Variants in COL10A1 observed in about 807,000 individuals in gnomAD.
COL10A1 encodes collagen type X alpha 1 chain, also known as collagen alpha-1(X) chain.
A neutral mutation model predicts 18.2 loss-of-function variants in COL10A1; 10 were observed. That is an observed-to-expected ratio of 0.55 (90% CI 0.34 to 0.93). COL10A1 has a LOEUF of 0.93. COL10A1 is among the 40% of genes least tolerant of loss of function. COL10A1 has a pLI of 0.02. For missense variants in COL10A1, 897 were observed against 853.5 expected, an observed-to-expected ratio of 1.05 and a Z score of -0.64; for synonymous variants, 330 against 316.6, an observed-to-expected ratio of 1.04 and a Z score of -0.45.
the COL10A1 span, among the ~76,000 whole-genome samples, chr6:116,187,734 T>C: frequency 6.6e-6 from 1 of 151,942 alleles, no homozygotes; most frequent in Non-Finnish European, 1.5e-5. Flanking sequence ...GAAACAAATA[T>C]GAAAGGCAAA....
Position 116,121,338 on chromosome 6 carries a change from G to A in COL10A1, c.778C>T (p.Pro260Ser), listed in dbSNP as rs1360718814. The A allele has an allele frequency of 6.2e-7, 1 of 1,614,026 alleles. No individual in the cohort carries two copies. Among genetic ancestry groups the A allele is most frequent in the African/African-American group, 1.3e-5 (1 of 75,004 alleles). Residue 260 changes from proline to serine, a missense_variant, in exon 3 of 3, where the codon CCA becomes TCA. Physicochemically the swap from Pro to Ser is moderately conservative, Grantham distance 74 (BLOSUM62 -1). Transcript: ENST00000651968. ...GPQGPPGERG[P>S]EGIGKPGAAG... The stretch of plus-strand genomic sequence containing the variant: ...GCTCCTGGCTTTCCAATGCCTTCTG[G>A]CCCTCGTTCCCCAGGAGGGCCTTGG...
chr6:116,148,556 A>T (rs906062186), intron 1 of COL10A1, among the ~76,000 whole-genome samples: 1 of 152,188 alleles, frequency 6.6e-6, no homozygotes, highest in Non-Finnish European at 1.5e-5. Context: ...TCAGAATGTG[A>T]ACATGTTAAT....
the COL10A1 span, among the ~76,000 whole-genome samples, chr6:116,209,561 G>A: frequency 6.6e-6 from 1 of 152,002 alleles, no homozygotes; most frequent in Non-Finnish European, 1.5e-5. Context: ...TGCAGAGTGG[G>A]TATTGGGGAG....
At chr6:116,195,594 C>T in the COL10A1 span, among the ~76,000 whole-genome samples, 1 of 151,980 alleles carries the variant, frequency 6.6e-6, no homozygotes, top group East Asian at 1.9e-4. Flanking sequence ...CATTTATCTG[C>T]TCCCTCCCTC....
the COL10A1 span, among the ~76,000 whole-genome samples, chr6:116,210,544 G>A: frequency 2.0e-5 from 3 of 151,882 alleles, no homozygotes; most frequent in East Asian, 2.0e-4. Flanking sequence ...TCTGTATCTC[G>A]GATTTTCAGT....
rs58270869 is a variant in COL10A1, at chr6:116,155,752, TAA to T, written c.-16+2860_-16+2861del. On this transcript the variant is annotated intron_variant, in intron 1 of 1. Transcript: ENST00000418500. ...CACAAAGAAATAATGTACTTCTCCT[TAA>T]AAAAAAAAAAAAAAAAAAGAGGGAG... is the stretch of plus-strand genomic sequence containing the variant. Among the ~76,000 whole-genome samples, 699 of 114,538 alleles carry T rather than the reference TAA, an allele frequency of 6.1e-3. 11 individuals carry two copies. Among genetic ancestry groups the T allele is most frequent in the South Asian group, 0.047 (174 of 3,664 alleles). The allele number at this position is 114,538 out of a possible 152,430, so 75.1% of individuals were successfully genotyped here.
intron 1 of COL10A1, among the ~76,000 whole-genome samples, chr6:116,139,790 T>C (rs1449826990): frequency 1.3e-5 from 2 of 152,160 alleles, no homozygotes; most frequent in African/African-American, 4.8e-5. Context: ...ATATTAATAT[T>C]AAGACATCTT....
the COL10A1 span, among the ~76,000 whole-genome samples, chr6:116,202,328 T>C: frequency 6.6e-6 from 1 of 152,092 alleles, no homozygotes; most frequent in East Asian, 1.9e-4. Flanking sequence ...CAGAACAAAG[T>C]TCCTTCTCAA....
chr6:116,183,699 C>T, the COL10A1 span, among the ~76,000 whole-genome samples: 1 of 151,590 alleles, frequency 6.6e-6, no homozygotes, highest in East Asian at 1.9e-4. Context: ...TTGTTCTCAG[C>T]TTGGTCACTG....
At chr6:116,141,273 T>G (rs1055503314) in intron 1 of COL10A1, among the ~76,000 whole-genome samples, 2 of 152,220 alleles carry the variant, frequency 1.3e-5, no homozygotes, top group African/African-American at 4.8e-5. Flanking sequence ...ATTTTTTTTT[T>G]TTGGTGGTGG....
upstream of COL10A1, among the ~76,000 whole-genome samples, chr6:116,126,526 G>C (rs577857955): frequency 6.6e-6 from 1 of 151,978 alleles, no homozygotes; most frequent in Non-Finnish European, 1.5e-5. Flanking sequence ...CTTGAAGGGG[G>C]TACTGGATTT....
intron 1 of COL10A1, among the ~76,000 whole-genome samples, chr6:116,148,372 T>C (rs929554332): frequency 4.6e-5 from 7 of 152,230 alleles, no homozygotes; most frequent in African/African-American, 1.7e-4. Context: ...GCATTTGTTT[T>C]CATTGCAATT....
chr6:116,135,385 AT>A lies in COL10A1; in HGVS notation c.-15-9879del, dbSNP rs553085561. 5.6e-4 allele frequency among the ~76,000 whole-genome samples: 85 copies of A among 151,600 alleles called. 1 individual carries two copies. The East Asian group carries it at 0.014, about 25-fold the overall frequency. On this transcript the variant is annotated intron_variant, in intron 1 of 1. Transcript: ENST00000418500. ...AGTAAGTACTAGAAAATGATATTTC[AT>A]TTTTTTTCTGTAGCATCCATAACCG...
upstream of COL10A1, among the ~76,000 whole-genome samples, chr6:116,161,712 C>T (rs1249237732): frequency 6.6e-6 from 1 of 152,118 alleles, no homozygotes; most frequent in Non-Finnish European, 1.5e-5. Flanking sequence ...GCTATTTAGG[C>T]TCTTATGGGT....
At chr6:116,180,911 A>T in the COL10A1 span, among the ~76,000 whole-genome samples, 2 of 152,050 alleles carry the variant, frequency 1.3e-5, no homozygotes, top group African/African-American at 2.4e-5. Context: ...TATTTGGGAG[A>T]TGCTGGTGAC....
intron 1 of COL10A1, among the ~76,000 whole-genome samples, chr6:116,148,347 A>G (rs1448616536): frequency 6.6e-6 from 1 of 152,192 alleles, no homozygotes; most frequent in Non-Finnish European, 1.5e-5. Context: ...AAAAAGCAAA[A>G]TAGAAAATAT....
chr6:116,196,540 A>G, the COL10A1 span, among the ~76,000 whole-genome samples: 1 of 152,090 alleles, frequency 6.6e-6, no homozygotes, highest in Admixed American at 6.6e-5. Context: ...AATTATATCA[A>G]TTAGAAAAAT....
chr6:116,189,525 A>G, the COL10A1 span, among the ~76,000 whole-genome samples: 6 of 152,026 alleles, frequency 3.9e-5, no homozygotes, highest in African/African-American at 1.4e-4. Flanking sequence ...GAAGACACAA[A>G]TGAACATATA....
At chr6:116,130,675 ATATGAT>A (rs1779437289), upstream of COL10A1, among the ~76,000 whole-genome samples, 2 of 152,036 alleles carry the variant, frequency 1.3e-5, no homozygotes, top group Admixed American at 1.3e-4. Context: ...AATATAAGAT[ATATGAT>A]AACATTTTAC....
Sources: allele counts gnomAD v4.1 joint callset (sites outside exome capture counted in the v4.1 genomes callset), GRCh38; gene constraint gnomAD v4.1.1; transcripts MANE v1.5; gene names NCBI Gene and HGNC (gene_info 2026-07-23, HGNC 2026-07-21).